NEMP1: variants seen among roughly 807,000 people sequenced by gnomAD.
NEMP1 encodes the protein nuclear envelope integral membrane protein 1.
Under a neutral mutation model 53.7 loss-of-function variants are expected in NEMP1, and 29 were observed. That is an observed-to-expected ratio of 0.54 (90% CI 0.40 to 0.74). NEMP1 has a LOEUF of 0.74. Ranked by LOEUF, NEMP1 falls within the 30% of genes least tolerant of loss-of-function variation. NEMP1 has a pLI of 0.00. For missense variants in NEMP1, 477 were observed against 528.6 expected (o/e 0.90, Z 0.96); for synonymous variants, 193 against 192.9 (o/e 1.00, Z 0.00).
At chr12:57,060,664 C>T (rs1050622746) in intron 8 of NEMP1, 108 bp downstream of exon 8, 5 of 1,169,808 alleles carry the variant, frequency 4.3e-6, no homozygotes, top group Non-Finnish European at 6.0e-6. Flanking sequence ...TGAAGATTAA[C>T]AGGAAAACAA....
At chr12:57,086,059 A>C (rs2032981082) in intron 1 of NEMP1, among the ~76,000 whole-genome samples, 1 of 152,184 alleles carries the variant, frequency 6.6e-6, no homozygotes, top group South Asian at 2.1e-4. Flanking sequence ...GGGAGGAATT[A>C]ATTCTGCCTG....
At chr12:57,072,766 C>T (rs372090776) in intron 2 of NEMP1, 22 bp downstream of exon 2, 1 of 1,574,378 alleles carries the variant, frequency 6.4e-7, no homozygotes, top group East Asian at 2.3e-5. Flanking sequence ...GCTGCCACTG[C>T]CAGAGGATTC....
intron 4 of NEMP1, among the ~76,000 whole-genome samples, chr12:57,065,813 A>G (rs1014903741): frequency 6.6e-6 from 1 of 151,970 alleles, no homozygotes; most frequent in African/African-American, 2.4e-5. Flanking sequence ...CCTTGCACTT[A>G]TGTAATAAGA....
intron 6 of NEMP1, 147 bp downstream of exon 6, chr12:57,063,924 G>A: frequency 3.7e-6 from 2 of 533,450 alleles, no homozygotes; most frequent in Non-Finnish European, 6.5e-6. Context: ...AGAGGGATTA[G>A]AAATAAGTGA....
chr12:57,088,360 C>A (rs1270000337), upstream of NEMP1, among the ~76,000 whole-genome samples: 1 of 152,192 alleles, frequency 6.6e-6, no homozygotes, highest in Non-Finnish European at 1.5e-5. Context: ...TCAGATTATT[C>A]CATTGGGGCT....
chr12:57,084,126 G>A (rs2032926220), intron 1 of NEMP1, among the ~76,000 whole-genome samples: 1 of 151,972 alleles, frequency 6.6e-6, no homozygotes, highest in African/African-American at 2.4e-5. Flanking sequence ...CCACGCCCAG[G>A]TAATTTTTGT....
chr12:57,065,647 G>A (rs760180471), intron 4 of NEMP1, among the ~76,000 whole-genome samples: 11 of 150,702 alleles, frequency 7.3e-5, no homozygotes, highest in Non-Finnish European at 1.2e-4. Flanking sequence ...TCAGCCTCCC[G>A]AGTAGCTGGT....
intron 1 of NEMP1, among the ~76,000 whole-genome samples, chr12:57,076,174 T>C (rs2032610657): frequency 6.6e-6 from 1 of 152,082 alleles, no homozygotes; most frequent in South Asian, 2.1e-4. Context: ...ATACCACAAA[T>C]ATCCAACCAA....
intron 4 of NEMP1, among the ~76,000 whole-genome samples, chr12:57,068,435 T>C (rs977516802): frequency 4.0e-5 from 6 of 151,244 alleles, no homozygotes; most frequent in Non-Finnish European, 7.4e-5. Flanking sequence ...CACCGCAACC[T>C]CCGCCTCCAG....
In NEMP1 at chr12:57,057,274, A is replaced by C. The variant is rs2136473661; in HGVS notation, c.*2605T>G. ...CCAGCAAGACGCTGACGTGGCAGCA[A>C]ACACGGCTCCAATGTCCAGCTTACC... On this transcript the variant is annotated 3_prime_UTR_variant, in exon 9 of 9. Transcript: ENST00000300128. 6.6e-6 allele frequency: 1 copy of C among 152,382 alleles called. No homozygotes were observed. Among genetic ancestry groups the C allele is most frequent in the South Asian group, 2.1e-4 (1 of 4,828 alleles). 9.4% of individuals were successfully genotyped at this position (152,382 alleles called of 1,614,324 possible). A position where few individuals can be genotyped will look rare whatever the true frequency, so the allele number is the denominator to read the frequency against.
chr12:57,077,596 G>A (rs982442537), intron 1 of NEMP1, among the ~76,000 whole-genome samples: 5 of 152,144 alleles, frequency 3.3e-5, no homozygotes, highest in Non-Finnish European at 7.4e-5. Flanking sequence ...CTCTGGTAAC[G>A]ACTGGCAGCC....
Position 57,064,713 on chromosome 12 carries a change from C to A in NEMP1, c.572G>T (p.Gly191Val). The change falls in exon 5 of 9, where the codon GGG becomes GTG. Residue 191 changes from glycine (G) to valine (V), a missense_variant. Physicochemically the swap from Gly to Val is moderately radical, Grantham distance 109 (BLOSUM62 -3). Transcript: ENST00000300128. Reference sequence around the variant, plus strand: ...AGAGGCCACAATTCCCACAGTCATCCCAGTAGAGTAGTAGAAAATTTGACT... The same window carrying A: ...AGAGGCCACAATTCCCACAGTCATCACAGTAGAGTAGTAGAAAATTTGACT... Reference protein sequence around the residue: ...SRSQIFYYSTGMTVGIVASLL... With the variant: ...SRSQIFYYSTVMTVGIVASLL... 1 of 1,612,238 alleles carries A rather than the reference C, an allele frequency of 6.2e-7. No individual in the cohort carries two copies. The highest frequency in any genetic ancestry group is 8.5e-7 in the Non-Finnish European group (1 of 1,179,204).
At chr12:57,066,854 T>C (rs910911062) in intron 4 of NEMP1, among the ~76,000 whole-genome samples, 10 of 152,150 alleles carry the variant, frequency 6.6e-5, no homozygotes, top group Non-Finnish European at 1.5e-4. Flanking sequence ...GATGGTTTTA[T>C]AAGGGGTTTC....
At chr12:57,085,816 G>GAAAAC (rs1253847091) in intron 1 of NEMP1, among the ~76,000 whole-genome samples, 3 of 152,210 alleles carry the variant, frequency 2.0e-5, no homozygotes, top group Non-Finnish European at 4.4e-5. Flanking sequence ...AAGAGATATG[G>GAAAAC]AAAACAAATG....
chr12:57,059,419 C>T lies in NEMP1; in HGVS notation c.*460G>A, dbSNP rs2031687436. On this transcript the variant is annotated 3_prime_UTR_variant, in exon 9 of 9. Transcript: ENST00000300128. ...TAAATCAATAATTATTCTAAAGTCACTGAAATAAAAGCTGGAGTGAAGGAG... is the reference window on the plus strand; with the variant it reads ...TAAATCAATAATTATTCTAAAGTCATTGAAATAAAAGCTGGAGTGAAGGAG... 1 of 152,946 alleles carries T rather than the reference C, an allele frequency of 6.5e-6. No individual in the cohort carries two copies. The highest frequency in any genetic ancestry group is 2.4e-5 in the African/African-American group (1 of 41,478). The allele number at this position is 152,946 out of a possible 1,614,324, so 9.5% of individuals were successfully genotyped here. A position where few individuals can be genotyped will look rare whatever the true frequency, so the allele number is the denominator to read the frequency against.
chr12:57,072,549 G>A (rs1311961522), intron 2 of NEMP1, among the ~76,000 whole-genome samples: 2 of 152,202 alleles, frequency 1.3e-5, no homozygotes, highest in East Asian at 1.9e-4. Flanking sequence ...GGGAAAAGGA[G>A]GGAGGAGGAA....
Position 57,057,073 on chromosome 12 carries a change from C to G in NEMP1, c.*2806G>C, listed in dbSNP as rs1301117339. ...TGTTCTGTTGGTCTCTTGAAGCAAT[C>G]TGAGTGGGAAAGGAAAGTGAAAGAA... On this transcript the variant is annotated 3_prime_UTR_variant, in exon 9 of 9. Transcript: ENST00000300128. The G allele has an allele frequency of 6.6e-6, 1 of 152,180 alleles. No homozygotes were observed. Among genetic ancestry groups the G allele is most frequent in the East Asian group, 1.9e-4 (1 of 5,198 alleles). 9.4% of individuals were successfully genotyped at this position (152,180 alleles called of 1,614,324 possible).
chr12:57,056,497 T>G lies in NEMP1; in HGVS notation c.*3382A>C, dbSNP rs2031531331. ...AACTGTTCTCTTGTTTCAGATACAA[T>G]TCTTGGCATTTCAATATAGGTTATT... On this transcript the variant is annotated 3_prime_UTR_variant, in exon 9 of 9. Transcript: ENST00000300128. 6.6e-6 allele frequency: 1 copy of G among 152,224 alleles called. No individual in the cohort carries two copies. Among genetic ancestry groups the G allele is most frequent in the Admixed American group, 6.5e-5 (1 of 15,280 alleles). The allele number at this position is 152,224 out of a possible 1,614,324, so 9.4% of individuals were successfully genotyped here. A position where few individuals can be genotyped will look rare whatever the true frequency, so the allele number is the denominator to read the frequency against.
intron 7 of NEMP1, among the ~76,000 whole-genome samples, chr12:57,061,665 C>A (rs1394999543): frequency 7.0e-6 from 1 of 143,050 alleles, no homozygotes; most frequent in African/African-American, 2.6e-5. Context: ...TGCACTCCAG[C>A]CTGGGCAACA....
Sources: allele counts gnomAD v4.1 joint callset (sites outside exome capture counted in the v4.1 genomes callset), GRCh38; gene constraint gnomAD v4.1.1; transcripts MANE v1.5; gene names NCBI Gene and HGNC (gene_info 2026-07-23, HGNC 2026-07-21).